The following IL1RAPL2 variants were observed in gnomAD, a reference collection of about 807,000 sequenced individuals.
The protein encoded by IL1RAPL2 is X-linked interleukin-1 receptor accessory protein-like 2.
Under a neutral mutation model 44.1 loss-of-function variants are expected in IL1RAPL2, and 3 were observed. The ratio of observed to expected loss-of-function variants is 0.07; its 90% confidence interval spans 0.03 to 0.18. IL1RAPL2 has a LOEUF of 0.18. IL1RAPL2 is among the 10% of genes least tolerant of loss of function. The probability of loss-of-function intolerance (pLI) is 1.00; values close to 1 mark genes in which losing one functional copy is unlikely to be tolerated. For synonymous variants in IL1RAPL2, 181 were observed against 178.8 expected (o/e 1.01, Z -0.10); for missense variants, 391 against 496.4 (o/e 0.79, Z 2.02).
chrX:104,963,789 A>G (rs2030053448), intron 2 of IL1RAPL2, among the ~76,000 whole-genome samples: 1 of 111,496 alleles, frequency 9.0e-6, no homozygotes, highest in Non-Finnish European at 1.9e-5. Flanking sequence ...TCCTTCTTTA[A>G]GAGATTCTTC....
intron 5 of IL1RAPL2, among the ~76,000 whole-genome samples, chrX:105,374,912 C>T (rs2035374588): frequency 1.1e-5 from 1 of 94,422 alleles, no homozygotes; most frequent in Non-Finnish European, 2.1e-5. Context: ...GGCGCCACTG[C>T]ACTCCAGCCT....
At chrX:105,159,990 C>G (rs1396834154) in intron 2 of IL1RAPL2, among the ~76,000 whole-genome samples, 2 of 99,096 alleles carry the variant, frequency 2.0e-5, no homozygotes, top group East Asian at 7.4e-4. Flanking sequence ...GAACCCCCCC[C>G]CCCACTCCAC....
chrX:104,795,962 T>C (rs935996218), intron 2 of IL1RAPL2, among the ~76,000 whole-genome samples: 3 of 112,026 alleles, frequency 2.7e-5, no homozygotes, highest in Admixed American at 9.4e-5. Flanking sequence ...ATGAGAACCA[T>C]GCCAGGGAAG....
intron 2 of IL1RAPL2, among the ~76,000 whole-genome samples, chrX:105,154,384 C>A (rs924124946): frequency 9.0e-6 from 1 of 111,457 alleles, no homozygotes; most frequent in Non-Finnish European, 1.9e-5. Context: ...CCCAGCAATG[C>A]CACCATATGT....
intron 6 of IL1RAPL2, among the ~76,000 whole-genome samples, chrX:105,511,479 GT>G (rs1251467600): frequency 1.8e-5 from 2 of 110,579 alleles, no homozygotes; most frequent in Non-Finnish European, 3.8e-5. Context: ...TGTACTTTGA[GT>G]TTTTTTCTAG....
intron 2 of IL1RAPL2, among the ~76,000 whole-genome samples, chrX:105,191,782 T>C (rs2033635129): frequency 8.9e-6 from 1 of 112,275 alleles, no homozygotes; most frequent in Non-Finnish European, 1.9e-5. Flanking sequence ...ACTTATACTT[T>C]CAGTGGGTTC....
intron 5 of IL1RAPL2, among the ~76,000 whole-genome samples, chrX:105,363,308 A>ATATTAT (rs1491419366): frequency 1.5e-5 from 1 of 68,569 alleles, no homozygotes; most frequent in African/African-American, 1.3e-4. Context: ...ATATATATAT[A>ATATTAT]ATATATATAT....
chrX:105,057,775 TA>T (rs774505559), intron 2 of IL1RAPL2, among the ~76,000 whole-genome samples: 10 of 106,847 alleles, frequency 9.4e-5, no homozygotes, highest in Middle Eastern at 4.8e-3. Flanking sequence ...TTTATTTATT[TA>T]TTTTTTTTTA....
chrX:104,610,837 A>G (rs975034152), intron 1 of IL1RAPL2, among the ~76,000 whole-genome samples: 8 of 111,816 alleles, frequency 7.2e-5, no homozygotes, highest in African/African-American at 2.6e-4. Context: ...CCTAAGCCAA[A>G]AGAACAAAGA....
intron 5 of IL1RAPL2, among the ~76,000 whole-genome samples, chrX:105,436,433 C>T (rs1225021810): frequency 4.5e-5 from 5 of 111,590 alleles, no homozygotes; most frequent in African/African-American, 6.5e-5. Context: ...TTGGTTCTAG[C>T]CAAAATTTAA....
At chrX:104,782,827 T>C (rs988477357) in intron 2 of IL1RAPL2, among the ~76,000 whole-genome samples, 3 of 111,839 alleles carry the variant, frequency 2.7e-5, no homozygotes, top group Non-Finnish European at 3.8e-5. Context: ...ATAGATTCCA[T>C]GGTTTATAGC....
intron 2 of IL1RAPL2, among the ~76,000 whole-genome samples, chrX:105,011,409 T>G (rs1161821149): frequency 9.0e-6 from 1 of 111,037 alleles, no homozygotes; most frequent in African/African-American, 3.3e-5. Context: ...AACCACCCAT[T>G]TTATTGTATA....
intron 6 of IL1RAPL2, among the ~76,000 whole-genome samples, chrX:105,583,157 C>T (rs192733894): frequency 2.9e-3 from 288 of 99,125 alleles, no homozygotes; most frequent in African/African-American, 0.01. Context: ...TTTTTTGAGA[C>T]GGAGTGTCGC....
intron 10 of IL1RAPL2, among the ~76,000 whole-genome samples, chrX:105,756,198 AAAT>A (rs1294207218): frequency 8.9e-6 from 1 of 112,318 alleles, no homozygotes; most frequent in Non-Finnish European, 1.9e-5. Context: ...GATAATAACA[AAAT>A]AAAAAGCTTA....
At chrX:105,343,013 T>C (rs7063939) in intron 5 of IL1RAPL2, among the ~76,000 whole-genome samples, 14,244 of 110,215 alleles carry the variant, frequency 0.13, 2,307 homozygotes, top group African/African-American at 0.45. Context: ...CATTCTGAAA[T>C]CCAGGCAATA....
intron 6 of IL1RAPL2, among the ~76,000 whole-genome samples, chrX:105,707,514 TA>T (rs1378571361): frequency 8.9e-6 from 1 of 112,002 alleles, no homozygotes; most frequent in African/African-American, 3.2e-5. Context: ...TTTCCATCCT[TA>T]AAGACTGTAA....
At chrX:105,199,372 T>C (rs2033697637) in intron 3 of IL1RAPL2, among the ~76,000 whole-genome samples, 1 of 108,593 alleles carries the variant, frequency 9.2e-6, no homozygotes, top group African/African-American at 3.4e-5. Flanking sequence ...GTTTATCTTA[T>C]ATATTTTGTG....
rs368766570 is a variant in IL1RAPL2, at chrX:104,696,570, C to T, written c.82+37575C>T. Among the ~76,000 whole-genome samples the T allele has an allele frequency of 1.2e-4, 14 of 112,210 alleles. No homozygotes were observed. In the East Asian group the frequency reaches 3.6e-3, roughly 29 times the overall value. The stretch of plus-strand genomic sequence containing the variant: ...GTTAGCCAAAGGCAGAAACTACATC[C>T]CAATTATCCATCTAAGACAGGGAAA... On this transcript the variant is annotated intron_variant, in intron 2 of 10. Transcript: ENST00000372582.
In IL1RAPL2 at chrX:105,151,792, T is replaced by C. The variant is rs190279408; in HGVS notation, c.83-43683T>C. 3.6e-3 allele frequency among the ~76,000 whole-genome samples: 402 copies of C among 110,731 alleles called. 1 individual carries two copies. The highest frequency in any genetic ancestry group is 6.4e-3 in the Non-Finnish European group (341 of 52,935). On this transcript the variant is annotated intron_variant, in intron 2 of 10. Transcript: ENST00000372582. ...AAAAAAACTACAGTGTATATATATA[T>C]ATATGTGCTGGAATACTAGTCAGCC...
Sources: gnomAD v4.1 joint callset for allele counts (sites outside exome capture counted in the v4.1 genomes callset) on GRCh38, gnomAD v4.1.1 for gene constraint, MANE v1.5 for transcripts, NCBI Gene and HGNC (gene_info 2026-07-23, HGNC 2026-07-21) for gene names.